The following RASAL2 variants were observed in gnomAD, a reference collection of about 807,000 sequenced individuals.
RASAL2 encodes RAS protein activator like 2, also known as ras GTPase-activating protein nGAP.
RASAL2 carries 58 observed loss-of-function variants against 128.9 expected under a neutral mutation model. The ratio of observed to expected loss-of-function variants is 0.45; its 90% confidence interval spans 0.36 to 0.56. RASAL2 has a LOEUF of 0.56. RASAL2 is among the 20% of genes least tolerant of loss of function. The probability of loss-of-function intolerance (pLI) is 0.00; values close to 1 mark genes in which losing one functional copy is unlikely to be tolerated. For synonymous variants in RASAL2, 561 were observed against 580.8 expected (o/e 0.97, Z 0.49); for missense variants, 1,360 against 1,601.6 (o/e 0.85, Z 2.57).
intron 1 of RASAL2, among the ~76,000 whole-genome samples, chr1:178,240,117 T>C (rs1052126195): frequency 2.6e-5 from 4 of 152,094 alleles, no homozygotes; most frequent in African/African-American, 7.2e-5. Context: ...AGGGCATTGC[T>C]TTTCAAGCAC....
intron 4 of RASAL2, among the ~76,000 whole-genome samples, chr1:178,395,171 G>A (rs577545682): frequency 6.6e-6 from 1 of 152,220 alleles, no homozygotes; most frequent in East Asian, 1.9e-4. Flanking sequence ...AAAATATACT[G>A]ATGCTTAGAC....
At chr1:178,365,119 C>T (rs1487412609) in intron 3 of RASAL2, among the ~76,000 whole-genome samples, 1 of 151,734 alleles carries the variant, frequency 6.6e-6, no homozygotes, top group Non-Finnish European at 1.5e-5. Context: ...AAAGCAACTT[C>T]TATGTATATA....
chr1:178,195,091 A>G (rs750816722), intron 1 of RASAL2, among the ~76,000 whole-genome samples: 4 of 152,206 alleles, frequency 2.6e-5, no homozygotes, highest in Admixed American at 6.5e-5. Flanking sequence ...ATAAACATAC[A>G]CAGTGCATTT....
rs139055857 is a variant in RASAL2 at position 178,160,082 on chromosome 1, G to A, written c.202+65388G>A. Among the ~76,000 whole-genome samples the A allele has an allele frequency of 7.2e-3, 1,082 of 150,094 alleles. 14 individuals carry two copies. Among genetic ancestry groups the A allele is most frequent in the African/African-American group, 0.024 (1,001 of 40,934 alleles). On this transcript the variant is annotated intron_variant, in intron 1 of 17. Transcript: ENST00000367649. ...CTTTCTTTTTTTTTTTAAGTTCTAGGGTACATGTGCACAACGTGCAGGTTT... is the reference window on the plus strand; with the variant it reads ...CTTTCTTTTTTTTTTTAAGTTCTAGAGTACATGTGCACAACGTGCAGGTTT...
chr1:178,277,812 G>A (rs892019170), intron 1 of RASAL2, among the ~76,000 whole-genome samples: 59 of 152,202 alleles, frequency 3.9e-4, no homozygotes, highest in African/African-American at 1.3e-3. Context: ...TAAGATAGAT[G>A]AAAGGCCCCT....
At chr1:178,225,741 C>T (rs1348671370) in intron 1 of RASAL2, among the ~76,000 whole-genome samples, 1 of 151,614 alleles carries the variant, frequency 6.6e-6, no homozygotes, top group Admixed American at 6.6e-5. Flanking sequence ...GCATTTGCCT[C>T]CTTTCCTTTC....
At chr1:178,413,012 TTTCTC>T (rs1674509066) in intron 4 of RASAL2, among the ~76,000 whole-genome samples, 1 of 151,974 alleles carries the variant, frequency 6.6e-6, no homozygotes, top group African/African-American at 2.4e-5. Flanking sequence ...CTTTCTTTCT[TTTCTC>T]TTTCTTTCCT....
At chr1:178,276,825 T>G (rs1402800044) in intron 1 of RASAL2, among the ~76,000 whole-genome samples, 2 of 152,082 alleles carry the variant, frequency 1.3e-5, no homozygotes, top group Admixed American at 1.3e-4. Context: ...TTTTATTGTT[T>G]ATTAAAAAAA....
intron 4 of RASAL2, among the ~76,000 whole-genome samples, chr1:178,404,070 C>T (rs1413117819): frequency 1.3e-5 from 2 of 151,410 alleles, no homozygotes; most frequent in South Asian, 2.1e-4. Flanking sequence ...ACTAAAAATA[C>T]AAAAAATTAG....
In RASAL2 at chr1:178,197,893, C is replaced by G. The variant is rs542816090; in HGVS notation, c.203-85671C>G. 2.0e-5 allele frequency among the ~76,000 whole-genome samples: 3 copies of G among 152,202 alleles called. No homozygotes were observed. In the East Asian group the frequency reaches 5.8e-4, roughly 29 times the overall value. ...GGCCCCGCTGTGTGATGTTCCCCGC[C>G]CTGTGTCCAACTATTCTCATTGTTC... On this transcript the variant is annotated intron_variant, in intron 1 of 17. Transcript: ENST00000367649.
intron 1 of RASAL2, among the ~76,000 whole-genome samples, chr1:178,096,661 A>ATG (rs1256348063): frequency 6.6e-6 from 1 of 151,886 alleles, no homozygotes; most frequent in African/African-American, 2.4e-5. Flanking sequence ...TGGTATGTAT[A>ATG]TGTGTGTGAC....
chr1:178,430,297 T>C (rs1313274704), intron 5 of RASAL2, among the ~76,000 whole-genome samples: 1 of 152,142 alleles, frequency 6.6e-6, no homozygotes, highest in Non-Finnish European at 1.5e-5. Context: ...AGTTTCCTAT[T>C]CCAGATTTAC....
At chr1:178,338,521 G>A (rs1669706743) in intron 3 of RASAL2, among the ~76,000 whole-genome samples, 1 of 152,036 alleles carries the variant, frequency 6.6e-6, no homozygotes, top group Non-Finnish European at 1.5e-5. Flanking sequence ...TGGGATGGAG[G>A]GAAAATACAT....
chr1:178,402,437 T>G (rs897543418), intron 4 of RASAL2, among the ~76,000 whole-genome samples: 1 of 151,860 alleles, frequency 6.6e-6, no homozygotes, highest in Non-Finnish European at 1.5e-5. Flanking sequence ...ATATTATATA[T>G]AGTAAGGACC....
chr1:178,454,553 T>C lies in RASAL2; in HGVS notation c.2116T>C (p.Ser706Pro). 6.2e-7 allele frequency: 1 copy of C among 1,613,936 alleles called. No individual in the cohort carries two copies. ...GGAGATCTCTAATCCAGACACCATC[T>C]CAAACACCCCAGGCTTTGATGGTTA... is the stretch of plus-strand genomic sequence containing the variant. Reference protein sequence around the residue: ...LLEISNPDTISNTPGFDGYID... With the variant: ...LLEISNPDTIPNTPGFDGYID... Residue 706 changes from serine to proline, a missense_variant, in exon 12 of 18, where the codon TCA becomes CCA. Physicochemically the swap from Ser to Pro is moderately conservative, Grantham distance 74. Around this residue, in one of 3 missense-constraint regions of RASAL2, gnomAD observed 741 missense variants for 868.6 expected, o/e 0.85. Transcript: ENST00000367649.
At chr1:178,468,122 A>C (rs1558015462) in intron 17 of RASAL2, among the ~76,000 whole-genome samples, 1 of 152,236 alleles carries the variant, frequency 6.6e-6, no homozygotes, top group Non-Finnish European at 1.5e-5. Flanking sequence ...TTAGAGCAAA[A>C]TCCAGGAGGC....
At chr1:178,268,116 C>T (rs1666064097) in intron 1 of RASAL2, among the ~76,000 whole-genome samples, 1 of 151,672 alleles carries the variant, frequency 6.6e-6, no homozygotes. Context: ...TTGCCTGAGG[C>T]CAGAATTTAA....
chr1:178,258,245 G>A (rs897516032), intron 1 of RASAL2, among the ~76,000 whole-genome samples: 2 of 142,408 alleles, frequency 1.4e-5, no homozygotes, highest in Non-Finnish European at 3.0e-5. Flanking sequence ...AGTGAGCCAA[G>A]ATCGCGCCAC....
intron 1 of RASAL2, among the ~76,000 whole-genome samples, chr1:178,145,512 G>A (rs1198714876): frequency 5.4e-5 from 7 of 130,308 alleles, no homozygotes; most frequent in Middle Eastern, 5.4e-3. Flanking sequence ...TTTTTCCGTT[G>A]CTCTGAGCAG....
Sources: allele counts gnomAD v4.1 joint callset (sites outside exome capture counted in the v4.1 genomes callset), GRCh38; gene constraint gnomAD v4.1.1; regional missense constraint gnomAD v4.1.1; transcripts MANE v1.5; gene names NCBI Gene and HGNC (gene_info 2026-07-23, HGNC 2026-07-21).